Variants in NGLY1 observed in about 807,000 individuals in gnomAD.
NGLY1 encodes peptide-N(4)-(N-acetyl-beta-glucosaminyl)asparagine amidase.
In NGLY1, 68 loss-of-function variants were observed where a neutral mutation model predicts 84.6. That is an observed-to-expected ratio of 0.80 (90% CI 0.66 to 0.98). The LOEUF is 0.98. Ranked by LOEUF, NGLY1 falls within the 50% of genes least tolerant of loss-of-function variation. The pLI is 0.00. For missense variants in NGLY1, 779 were observed against 770.2 expected, an observed-to-expected ratio of 1.01 and a Z score of -0.14; for synonymous variants, 280 against 275.2, an observed-to-expected ratio of 1.02 and a Z score of -0.17.
Position 25,783,376 on chromosome 3 carries a change from TGCC to T in NGLY1, c.12_14del (p.Ala5del). On this transcript the variant is annotated inframe_deletion, in exon 1 of 12. Coordinates refer to ENST00000280700, the MANE Select transcript of NGLY1 (RefSeq NM_018297.4). The surrounding 1 kb of genome is among the most constrained non-coding windows in gnomAD (Gnocchi z 4.5). ...ACGCCGAGCCTGAGGAGCTGCCCAA[TGCC>T]GCCGCCGCCATGCTTGAGCGCCAGC... 5 of 1,543,734 alleles carry T rather than the reference TGCC, an allele frequency of 3.2e-6. No homozygotes were observed. The highest frequency in any genetic ancestry group is 5.1e-5 in the East Asian group (2 of 39,336).
At chr3:25,720,990 T>C (rs1222213657) in intron 10 of NGLY1, among the ~76,000 whole-genome samples, 1 of 152,152 alleles carries the variant, frequency 6.6e-6, no homozygotes, top group African/African-American at 2.4e-5. Context: ...AACCCCTTCC[T>C]CACTAATACT....
At chr3:25,789,930 C>T (rs985437616) in exon 1 of NGLY1, 5 of 1,546,996 alleles carry the variant, frequency 3.2e-6, no homozygotes, top group Middle Eastern at 1.7e-4. Context: ...CGTCTCTGCT[C>T]ACGCAAACAG....
At chr3:25,755,659 G>A (rs1451480064) in intron 3 of NGLY1, 1 of 1,485,438 alleles carries the variant, frequency 6.7e-7, no homozygotes, top group Non-Finnish European at 9.3e-7. Context: ...TGAAGATGAT[G>A]ATGACAATGA....
chr3:25,762,075 A>G (rs1707344776), intron 3 of NGLY1, among the ~76,000 whole-genome samples: 1 of 152,202 alleles, frequency 6.6e-6, no homozygotes, highest in Admixed American at 6.5e-5. Flanking sequence ...TTGTATCTTA[A>G]AAGCTTACTG....
chr3:25,736,500 C>T, intron 6 of NGLY1: 2 of 873,918 alleles, frequency 2.3e-6, no homozygotes, highest in Admixed American at 5.3e-5. Flanking sequence ...CAGTCTCTCT[C>T]TCTGGACTTT....
intron 4 of NGLY1, among the ~76,000 whole-genome samples, chr3:25,750,355 G>A (rs757568230): frequency 3.3e-5 from 5 of 152,128 alleles, no homozygotes; most frequent in Non-Finnish European, 5.9e-5. Context: ...CATATCACTG[G>A]ATGAACCCTG....
intron 4 of NGLY1, chr3:25,749,865 A>G (rs959383297): frequency 1.1e-6 from 1 of 907,324 alleles, no homozygotes; most frequent in Non-Finnish European, 1.8e-6. Context: ...ACCAACCCCA[A>G]TGCCAGGCTG....
chr3:25,739,049 T>C (rs1176171113), intron 5 of NGLY1, among the ~76,000 whole-genome samples: 2 of 152,154 alleles, frequency 1.3e-5, no homozygotes, highest in African/African-American at 2.4e-5. Context: ...CTGATAATAA[T>C]AATGCTGATT....
At chr3:25,743,829 G>C (rs1706277324) in intron 4 of NGLY1, among the ~76,000 whole-genome samples, 3 of 151,770 alleles carry the variant, frequency 2.0e-5, no homozygotes, top group African/African-American at 7.3e-5. Context: ...TAATCCAGCT[G>C]AAAGTAGGAC....
chr3:25,767,611 A>C (rs1575654419), intron 2 of NGLY1, among the ~76,000 whole-genome samples: 1 of 152,206 alleles, frequency 6.6e-6, no homozygotes, highest in Non-Finnish European at 1.5e-5. Flanking sequence ...CATCACTCTC[A>C]GAAACTGTCA....
chr3:25,783,491 C>G, upstream of NGLY1: 1 of 1,162,054 alleles, frequency 8.6e-7, no homozygotes, highest in Non-Finnish European at 1.1e-6. The surrounding 1 kb of genome is among the most constrained non-coding windows in gnomAD (Gnocchi z 4.5). Context: ...CCGGCAGGGG[C>G]GGGGTCCTCG....
chr3:25,734,156 C>T, intron 7 of NGLY1, 174 bp from the exon 8 acceptor site: 1 of 742,166 alleles, frequency 1.3e-6, no homozygotes, highest in East Asian at 3.1e-5. Context: ...AGTCTCACTT[C>T]CCAGGGTCAA....
At chr3:25,763,028 G>A (rs1046063116) in intron 3 of NGLY1, among the ~76,000 whole-genome samples, 1 of 152,090 alleles carries the variant, frequency 6.6e-6, no homozygotes, top group Non-Finnish European at 1.5e-5. Context: ...AGGAGGCTGA[G>A]GCACGAGAAT....
intron 4 of NGLY1, among the ~76,000 whole-genome samples, chr3:25,743,556 C>T (rs1216661773): frequency 7.6e-6 from 1 of 131,876 alleles, no homozygotes; most frequent in Non-Finnish European, 1.7e-5. Context: ...ATTGGTCTTC[C>T]TAGCACTTTT....
intron 6 of NGLY1, 34 bp downstream of exon 6, chr3:25,737,300 C>T: frequency 6.4e-7 from 1 of 1,551,092 alleles, no homozygotes; most frequent in Non-Finnish European, 8.7e-7. Context: ...GCCTGCAAAG[C>T]CCTACTACCC....
chr3:25,775,817 T>C (rs996771422), intron 2 of NGLY1, among the ~76,000 whole-genome samples: 4 of 152,188 alleles, frequency 2.6e-5, no homozygotes, highest in African/African-American at 9.7e-5. Flanking sequence ...AACAATTCAT[T>C]GTATATTTCA....
chr3:25,774,853 C>T (rs886313299), intron 2 of NGLY1, among the ~76,000 whole-genome samples: 1 of 152,210 alleles, frequency 6.6e-6, no homozygotes, highest in African/African-American at 2.4e-5. Context: ...TCGTGTTCAG[C>T]TGCAAGTTTC....
chr3:25,748,529 A>G (rs1466220391), intron 4 of NGLY1, among the ~76,000 whole-genome samples: 1 of 152,226 alleles, frequency 6.6e-6, no homozygotes, highest in Non-Finnish European at 1.5e-5. Flanking sequence ...CCAGTACATC[A>G]TGCCCAGCTT....
intron 3 of NGLY1, among the ~76,000 whole-genome samples, chr3:25,753,348 T>G (rs1053419698): frequency 1.3e-5 from 2 of 152,216 alleles, no homozygotes; most frequent in African/African-American, 4.8e-5. Flanking sequence ...TTTTCTGATA[T>G]GTAACAATAC....
Sources: gnomAD v4.1 joint callset for allele counts (sites outside exome capture counted in the v4.1 genomes callset) on GRCh38, gnomAD v4.1.1 for gene constraint, Gnocchi (gnomAD v3.1) non-coding constraint, MANE v1.5 for transcripts, NCBI Gene and HGNC (gene_info 2026-07-23, HGNC 2026-07-21) for gene names.